ANKRD52: variants seen among roughly 807,000 people sequenced by gnomAD.
The protein encoded by ANKRD52 is serine/threonine-protein phosphatase 6 regulatory ankyrin repeat subunit C.
A neutral mutation model predicts 116.0 loss-of-function variants in ANKRD52; 7 were observed. The observed-to-expected ratio is 0.06, with a 90% CI of 0.03 to 0.11. The LOEUF is 0.11. Among genes scored for constraint, ANKRD52 ranks in the 10% least tolerant of loss-of-function variants. The pLI is 1.00. For missense variants in ANKRD52, 839 were observed against 1,408.6 expected (o/e 0.60, Z 6.47); for synonymous variants, 528 against 578.1 (o/e 0.91, Z 1.24).
chr12:56,244,725 C>T lies in ANKRD52; in HGVS notation c.2649G>A (p.Glu883=), dbSNP rs755159152. ...GGCCAGTGTGGTCAGTGGCGTTCAC[C>T]TCAGCTTGATGCTGCAGCAGCATCC... ...GLRMLLQHQA[E]VNATDHTGRT... is the part of the protein sequence containing the mutation. The change falls in exon 24 of 28, where the codon GAG becomes GAA. Residue 883 remains glutamate, a synonymous_variant. Coordinates refer to ENST00000267116, the MANE Select transcript of ANKRD52 (RefSeq NM_173595.4). This position sits in a 1 kb window ranked among gnomAD's most constrained non-coding sequence, Gnocchi z 4.9. 43 of 1,613,806 alleles carry T rather than the reference C, an allele frequency of 2.7e-5. No homozygotes were observed. The South Asian group carries it at 4.1e-4, about 15-fold the overall frequency.
chr12:56,253,176 T>C lies in ANKRD52; in HGVS notation c.1101-90A>G, dbSNP rs1871784921. The C allele has an allele frequency of 2.1e-6, 3 of 1,447,834 alleles. No individual in the cohort carries two copies. Among genetic ancestry groups the C allele is most frequent in the Non-Finnish European group, 1.9e-6 (2 of 1,058,230 alleles). The allele number at this position is 1,447,834 out of a possible 1,614,324, so 89.7% of individuals were successfully genotyped here. On this transcript the variant is annotated intron_variant, in intron 10 of 27. Coordinates refer to ENST00000267116, the MANE Select transcript of ANKRD52 (RefSeq NM_173595.4). The surrounding 1 kb of genome is among the most constrained non-coding windows in gnomAD (Gnocchi z 5.5). ...ACCTACCACCACCCTAGAGTCAGGG[T>C]AGGAGGTTCTCCAAGGTGCCCTTTG...
In ANKRD52 at chr12:56,253,110, G is replaced by C; in HGVS notation, c.1101-24C>G. On this transcript the variant is annotated intron_variant, in intron 10 of 27. Coordinates refer to ENST00000267116, the MANE Select transcript of ANKRD52 (RefSeq NM_173595.4). The surrounding 1 kb of genome is among the most constrained non-coding windows in gnomAD (Gnocchi z 5.5). ...GCCTAGAGAGAAGTTGAGGGACTCA[G>C]TCCTTGGGTCAAGGAGGGACCAAGT... 1 of 1,546,254 alleles carries C rather than the reference G, an allele frequency of 6.5e-7. No individual in the cohort carries two copies. The highest frequency in any genetic ancestry group is 8.7e-7 in the Non-Finnish European group (1 of 1,144,428).
In ANKRD52 at chr12:56,252,209, G is replaced by C. The variant is rs2135889122; in HGVS notation, c.1477C>G (p.Leu493Val). 6.2e-7 allele frequency: 1 copy of C among 1,613,996 alleles called. No individual in the cohort carries two copies. Among genetic ancestry groups the C allele is most frequent in the Non-Finnish European group, 8.5e-7 (1 of 1,179,896 alleles). Residue 493 changes from leucine (L) to valine (V), a missense_variant, in exon 14 of 28, where the codon CTC becomes GTC. Physicochemically the swap from Leu to Val is conservative, Grantham distance 32. This residue lies in a region of ANKRD52 where 552 missense variants were observed against 810.6 expected (regional missense o/e 0.68). Coordinates refer to ENST00000267116, the MANE Select transcript of ANKRD52 (RefSeq NM_173595.4). The surrounding 1 kb of genome is among the most constrained non-coding windows in gnomAD (Gnocchi z 4.7). Reference protein sequence around the residue: ...NEADCKGCSPLHYAAASDTYR... With the variant: ...NEADCKGCSPVHYAAASDTYR... ...GTGTCAGAAGCGGCAGCGTAGTGGA[G>C]GGGAGAGCAGCCTTTACAGTCGGCC...
At position 56,244,215 on chromosome 12, in the gene ANKRD52, G is replaced by A. The variant is rs1871291455; in HGVS notation, c.2806-82C>T. 6.4e-7 allele frequency: 1 copy of A among 1,556,148 alleles called. No homozygotes were observed. Among genetic ancestry groups the A allele is most frequent in the African/African-American group, 1.4e-5 (1 of 73,690 alleles). ...GGGCAGGAGTTGGGGAGAGTAACAG[G>A]AGGACAAACAGCTGCCCAACCAGTC... On this transcript the variant is annotated intron_variant, in intron 25 of 27. Transcript: ENST00000267116. This position sits in a 1 kb window ranked among gnomAD's most constrained non-coding sequence, Gnocchi z 4.9.
chr12:56,258,002 G>A, intron 1 of ANKRD52, 91 bp from the exon 2 acceptor site: 5 of 1,352,938 alleles, frequency 3.7e-6, no homozygotes, highest in Non-Finnish European at 5.2e-6. Flanking sequence ...GGTTTGAGTG[G>A]GGGGCGTCCG....
chr12:56,243,253 A>G lies in ANKRD52; in HGVS notation c.3120T>C (p.Ile1040=), dbSNP rs770998069. 7.4e-6 allele frequency: 12 copies of G among 1,613,942 alleles called. No homozygotes were observed. The highest frequency in any genetic ancestry group is 1.1e-5 in the South Asian group (1 of 91,076). ...FSFSLLKNCS[I]AAAKTVGGCG... ...AGCCACCCACCGTCTTGGCGGCTGCAATGCTGCAGTTCTTGAGCAGGCTGA... is the reference window on the plus strand; with the variant it reads ...AGCCACCCACCGTCTTGGCGGCTGCGATGCTGCAGTTCTTGAGCAGGCTGA... The change falls in exon 28 of 28, where the codon ATT becomes ATC. Residue 1040 remains isoleucine, a synonymous_variant. Coordinates refer to ENST00000267116, the MANE Select transcript of ANKRD52 (RefSeq NM_173595.4). The surrounding 1 kb of genome is among the most constrained non-coding windows in gnomAD (Gnocchi z 4.6).
In ANKRD52 at chr12:56,252,556, A is replaced by C. The variant is rs1488490619; in HGVS notation, c.1316T>G (p.Leu439Arg). 1 of 1,613,944 alleles carries C rather than the reference A, an allele frequency of 6.2e-7. No individual in the cohort carries two copies. The highest frequency in any genetic ancestry group is 1.1e-5 in the South Asian group (1 of 91,078). Reference sequence around the variant, plus strand: ...AGCTCCACTGCTCAACAGCAAATTAAGACATTCAACATTCCTAAAAGAAAG... The same window carrying C: ...AGCTCCACTGCTCAACAGCAAATTACGACATTCAACATTCCTAAAAGAAAG... ...AAASGGNVEC[L>R]NLLLSSGADL... Residue 439 changes from leucine to arginine, a missense_variant, in exon 13 of 28, where the codon CTT becomes CGT. By Grantham distance (102) the Leu-to-Arg change is moderately radical. Around this residue, in one of 2 missense-constraint regions of ANKRD52, gnomAD observed 287 missense variants for 598.1 expected, o/e 0.48. Transcript: ENST00000267116. The surrounding 1 kb of genome is among the most constrained non-coding windows in gnomAD (Gnocchi z 4.7).
chr12:56,256,067 G>T, intron 4 of ANKRD52, 83 bp from the exon 5 acceptor site: 1 of 1,335,006 alleles, frequency 7.5e-7, no homozygotes, highest in Non-Finnish European at 1.0e-6. Flanking sequence ...GGTCAGCATA[G>T]CATCTACAGC....
Position 56,248,120 on chromosome 12 carries a change from C to G in ANKRD52, c.1881G>C (p.Glu627Asp). The G allele has an allele frequency of 6.2e-7, 1 of 1,613,802 alleles. No individual in the cohort carries two copies. The highest frequency in any genetic ancestry group is 1.1e-5 in the South Asian group (1 of 91,090). ...CCTCCACACACTCAGTAGAGCCGCG[C>G]TCCGTGGCCAGGAAGAGTGCGGTCC... ...KGRTALFLAT[E>D]RGSTECVEVL... Residue 627 changes from glutamate (E) to aspartate (D), a missense_variant, in exon 18 of 28, where the codon GAG becomes GAC. Glu to Asp is a conservative substitution (Grantham distance 45). Coordinates refer to ENST00000267116, the MANE Select transcript of ANKRD52 (RefSeq NM_173595.4). This position sits in a 1 kb window ranked among gnomAD's most constrained non-coding sequence, Gnocchi z 5.1.
rs1487837170 is a variant in ANKRD52 at position 56,240,204 on chromosome 12, G to A, written c.*2938C>T. ...TCTGCTGGTCCTTCCTGGGACCCAC[G>A]GTTTGTGCCATTCGTTTTTCTGAAG... On this transcript the variant is annotated 3_prime_UTR_variant, in exon 28 of 28. Transcript: ENST00000267116. The surrounding 1 kb of genome is among the most constrained non-coding windows in gnomAD (Gnocchi z 4.2). 2.0e-5 allele frequency: 3 copies of A among 152,182 alleles called. No individual in the cohort carries two copies. The highest frequency in any genetic ancestry group is 6.5e-5 in the Admixed American group (1 of 15,278). 9.4% of individuals were successfully genotyped at this position (152,182 alleles called of 1,614,324 possible).
At position 56,244,512 on chromosome 12, in the gene ANKRD52, C is replaced by T. The variant is rs376885732; in HGVS notation, c.2723-77G>A. Reference sequence around the variant, plus strand: ...CATCCTGGCTCTCCACTTTGCATCCCGTCTGCAGATGGCGAGACATCCAAA... The same window carrying T: ...CATCCTGGCTCTCCACTTTGCATCCTGTCTGCAGATGGCGAGACATCCAAA... On this transcript the variant is annotated intron_variant, in intron 24 of 27. Transcript: ENST00000267116. The surrounding 1 kb of genome is among the most constrained non-coding windows in gnomAD (Gnocchi z 4.9). 34 of 1,594,184 alleles carry T rather than the reference C, an allele frequency of 2.1e-5. No individual in the cohort carries two copies. Among genetic ancestry groups the T allele is most frequent in the South Asian group, 1.9e-4 (17 of 89,990 alleles).
Position 56,243,857 on chromosome 12 carries a change from G to A in ANKRD52, c.2908C>T (p.Arg970Trp), listed in dbSNP as rs910387024. 4.5e-6 allele frequency: 7 copies of A among 1,565,830 alleles called. No homozygotes were observed. The highest frequency in any genetic ancestry group is 1.4e-5 in the African/African-American group (1 of 73,666). Residue 970 changes from arginine to tryptophan, a missense_variant, in exon 27 of 28, where the codon CGG (arginine) becomes TGG (tryptophan). By Grantham distance (101) the Arg-to-Trp change is moderately radical. Transcript: ENST00000267116. The surrounding 1 kb of genome is among the most constrained non-coding windows in gnomAD (Gnocchi z 4.6). ...TGTACCACAGAAGCTAGACCATTCCGGGCAGCAATGTGGAGTGGCCTTGGA... is the reference window on the plus strand; with the variant it reads ...TGTACCACAGAAGCTAGACCATTCCAGGCAGCAATGTGGAGTGGCCTTGGA... ...ALQMPLHIAA[R>W]NGLASVVQAL...
At position 56,237,875 on chromosome 12, in the gene ANKRD52, C is replaced by A. The variant is rs1046716283; in HGVS notation, c.*5267G>T. 1 of 1,065,886 alleles carries A rather than the reference C, an allele frequency of 9.4e-7. No individual in the cohort carries two copies. Among genetic ancestry groups the A allele is most frequent in the Non-Finnish European group, 1.3e-6 (1 of 778,686 alleles). 66.0% of individuals were successfully genotyped at this position (1,065,886 alleles called of 1,614,324 possible). On this transcript the variant is annotated 3_prime_UTR_variant, in exon 28 of 28. Transcript: ENST00000267116. The stretch of plus-strand genomic sequence containing the variant: ...ATGACTACGACAGTTGTACTTGCAC[C>A]AAAACAGCATAGAAAACCAGAGTGT...
At position 56,252,177 on chromosome 12, in the gene ANKRD52, C is replaced by T; in HGVS notation, c.1509G>A (p.Arg503=). The T allele has an allele frequency of 6.2e-7, 1 of 1,613,986 alleles. No individual in the cohort carries two copies. Among genetic ancestry groups the T allele is most frequent in the South Asian group, 1.1e-5 (1 of 91,084 alleles). The change falls in exon 14 of 28, where the codon AGG becomes AGA. Residue 503 remains arginine, a splice_region_variant and synonymous_variant. Coordinates refer to ENST00000267116, the MANE Select transcript of ANKRD52 (RefSeq NM_173595.4). This position sits in a 1 kb window ranked among gnomAD's most constrained non-coding sequence, Gnocchi z 4.7. ...AAGGACCAGACTGGTAGCCTCACCT[C>T]CTGTAAGTGTCAGAAGCGGCAGCGT... ...LHYAAASDTY[R]RAEPHTPSSH...
In ANKRD52 at chr12:56,242,279, T is replaced by G; in HGVS notation, c.*863A>C. On this transcript the variant is annotated 3_prime_UTR_variant, in exon 28 of 28. Transcript: ENST00000267116. The surrounding 1 kb of genome is among the most constrained non-coding windows in gnomAD (Gnocchi z 4.3). Reference sequence around the variant, plus strand: ...TCCCCTAAAGGATAAAACGCTTACTTAAAAATTCATGACAAGCCTCAAAGT... The same window carrying G: ...TCCCCTAAAGGATAAAACGCTTACTGAAAAATTCATGACAAGCCTCAAAGT... 1 of 397,866 alleles carries G rather than the reference T, an allele frequency of 2.5e-6. No homozygotes were observed. Among genetic ancestry groups the G allele is most frequent in the Non-Finnish European group, 4.4e-6 (1 of 225,934 alleles). 24.6% of individuals were successfully genotyped at this position (397,866 alleles called of 1,614,324 possible).
chr12:56,246,969 ATAAT>A (rs1247905335), intron 20 of ANKRD52, among the ~76,000 whole-genome samples: 147 of 144,238 alleles, frequency 1.0e-3, no homozygotes, highest in South Asian at 5.8e-3. Flanking sequence ...AATAATAATA[ATAAT>A]AAACAAAGCA....
chr12:56,255,638 A>G lies in ANKRD52; in HGVS notation c.462+146T>C. On this transcript the variant is annotated intron_variant, in intron 5 of 27. Transcript: ENST00000267116. The surrounding 1 kb of genome is among the most constrained non-coding windows in gnomAD (Gnocchi z 4.3). ...TTAAGAATTTTAATCTAGTCTGACCATTCATTTAGTGCTTCAGCTTAAGTG... is the reference window on the plus strand; with the variant it reads ...TTAAGAATTTTAATCTAGTCTGACCGTTCATTTAGTGCTTCAGCTTAAGTG... 1 of 699,550 alleles carries G rather than the reference A, an allele frequency of 1.4e-6. No individual in the cohort carries two copies. The highest frequency in any genetic ancestry group is 1.8e-5 in the African/African-American group (1 of 55,964). 43.3% of individuals were successfully genotyped at this position (699,550 alleles called of 1,614,324 possible).
rs924879649 is a variant in ANKRD52 at position 56,255,154 on chromosome 12, CAA to C, written c.463-204_463-203del. On this transcript the variant is annotated intron_variant, in intron 5 of 27. Transcript: ENST00000267116. The surrounding 1 kb of genome is among the most constrained non-coding windows in gnomAD (Gnocchi z 4.3). ...GAGAGATTTGGAACTTTAAGGGAAA[CAA>C]GAGAGTCTCTTCAGGTGATCTGGTG... 2.0e-6 allele frequency: 1 copy of C among 493,420 alleles called. No homozygotes were observed. The highest frequency in any genetic ancestry group is 1.9e-5 in the African/African-American group (1 of 51,760). The allele number at this position is 493,420 out of a possible 1,614,324, so 30.6% of individuals were successfully genotyped here. A position where few individuals can be genotyped will look rare whatever the true frequency, so the allele number is the denominator to read the frequency against.
At position 56,257,045 on chromosome 12, in the gene ANKRD52, A is replaced by G. The variant is rs1375172703; in HGVS notation, c.231T>C (p.Pro77=). 6.2e-7 allele frequency: 1 copy of G among 1,613,448 alleles called. No individual in the cohort carries two copies. The highest frequency in any genetic ancestry group is 2.2e-5 in the East Asian group (1 of 44,896). ...TTCGGGAGGCAGCAGCACGATGAAGAGGGGTCAGCCACAGTGTGTCCTTAG... is the reference window on the plus strand; with the variant it reads ...TTCGGGAGGCAGCAGCACGATGAAGGGGGGTCAGCCACAGTGTGTCCTTAG... ...VNAKDTLWLT[P]LHRAAASRNE... is the part of the protein sequence containing the mutation. The change falls in exon 4 of 28, where the codon CCT becomes CCC. Residue 77 remains proline, a synonymous_variant. Coordinates refer to ENST00000267116, the MANE Select transcript of ANKRD52 (RefSeq NM_173595.4).
Sources: allele counts gnomAD v4.1 joint callset (sites outside exome capture counted in the v4.1 genomes callset), GRCh38; gene constraint gnomAD v4.1.1; regional missense constraint gnomAD v4.1.1; non-coding constraint Gnocchi (gnomAD v3.1); transcripts MANE v1.5; gene names NCBI Gene and HGNC (gene_info 2026-07-23, HGNC 2026-07-21).